PDCD10: variants seen among roughly 807,000 people sequenced by gnomAD.
PDCD10 encodes the protein programmed cell death 10.
Under a neutral mutation model 29.2 loss-of-function variants are expected in PDCD10, and 4 were observed. The observed-to-expected ratio is 0.14, with a 90% CI of 0.07 to 0.31. The LOEUF (loss-of-function observed/expected upper bound fraction) is 0.31, where lower values mean the gene tolerates loss of function less well. Ranked by LOEUF, PDCD10 falls within the 10% of genes least tolerant of loss-of-function variation. The pLI, the probability that PDCD10 is intolerant of heterozygous loss-of-function variation, is 1.00. For missense variants in PDCD10, 183 were observed against 257.9 expected (o/e 0.71, Z 1.99); for synonymous variants, 70 against 82.2 (o/e 0.85, Z 0.80).
chr3:167,690,876 C>T (rs999217354), intron 6 of PDCD10, among the ~76,000 whole-genome samples: 1 of 152,190 alleles, frequency 6.6e-6, no homozygotes, highest in Non-Finnish European at 1.5e-5. Context: ...TCCAAGGTTA[C>T]ATAGCTAAAT....
intron 6 of PDCD10, among the ~76,000 whole-genome samples, chr3:167,691,821 G>T (rs1267476426): frequency 1.3e-4 from 20 of 152,092 alleles, no homozygotes; most frequent in Admixed American, 1.3e-3. Flanking sequence ...AGATTGCCTG[G>T]GTTCAAATCC....
intron 4 of PDCD10, 90 bp downstream of exon 4, chr3:167,704,752 T>G (rs1721798537): frequency 5.4e-6 from 5 of 921,648 alleles, no homozygotes; most frequent in Admixed American, 5.2e-5. Context: ...AGGCTTTCCC[T>G]TAAAGAAAAT....
At chr3:167,723,028 T>C (rs900165583) in intron 2 of PDCD10, among the ~76,000 whole-genome samples, 2 of 152,220 alleles carry the variant, frequency 1.3e-5, no homozygotes, top group Non-Finnish European at 2.9e-5. Context: ...TTTAATACTG[T>C]TCTTATGAAA....
At chr3:167,686,758 G>C (rs573547320) in intron 8 of PDCD10, among the ~76,000 whole-genome samples, 44 of 152,274 alleles carry the variant, frequency 2.9e-4, no homozygotes, top group African/African-American at 1.1e-3. Context: ...GAGAACCACT[G>C]TTTCAGGAGT....
At chr3:167,718,782 A>C (rs1723273617) in intron 3 of PDCD10, among the ~76,000 whole-genome samples, 1 of 151,516 alleles carries the variant, frequency 6.6e-6, no homozygotes, top group South Asian at 2.1e-4. Context: ...TTGATAATGG[A>C]AGCCAAACAC....
chr3:167,729,682 TGCTA>T (rs1724591358), intron 2 of PDCD10, among the ~76,000 whole-genome samples: 1 of 152,206 alleles, frequency 6.6e-6, no homozygotes, highest in African/African-American at 2.4e-5. Context: ...ACTCAATAAA[TGCTA>T]GCTATTATAT....
chr3:167,695,531 T>C, intron 6 of PDCD10, 65 bp downstream of exon 6: 1 of 1,443,384 alleles, frequency 6.9e-7, no homozygotes, highest in Non-Finnish European at 9.7e-7. Flanking sequence ...AATTAAAAAA[T>C]GTAGATGAGT....
At chr3:167,708,907 AACTT>A (rs1248371656) in intron 3 of PDCD10, among the ~76,000 whole-genome samples, 2 of 152,222 alleles carry the variant, frequency 1.3e-5, no homozygotes, top group East Asian at 3.9e-4. Context: ...ACAATACATC[AACTT>A]ACTTATTTCA....
chr3:167,727,040 C>T (rs972166317), intron 2 of PDCD10, among the ~76,000 whole-genome samples: 2 of 152,122 alleles, frequency 1.3e-5, no homozygotes, highest in African/African-American at 2.4e-5. Context: ...AAACTTTTTG[C>T]CAAACCAATG....
At chr3:167,698,168 G>A (rs1476634962) in intron 4 of PDCD10, among the ~76,000 whole-genome samples, 4 of 152,000 alleles carry the variant, frequency 2.6e-5, no homozygotes, top group Non-Finnish European at 1.5e-5. Context: ...TAGATCTCAA[G>A]TATCAAAAAC....
At chr3:167,725,764 TATATATATATATATA>T (rs1724071298) in intron 2 of PDCD10, among the ~76,000 whole-genome samples, 1 of 2,392 alleles carries the variant, frequency 4.2e-4, no homozygotes, top group Non-Finnish European at 1.0e-3. Flanking sequence ...TTGTATCGTT[TATATATATATATATA>T]TATATATATA....
intron 3 of PDCD10, among the ~76,000 whole-genome samples, chr3:167,705,721 A>G (rs1721905721): frequency 6.6e-6 from 1 of 152,220 alleles, no homozygotes; most frequent in Non-Finnish European, 1.5e-5. Flanking sequence ...TGTAAAATCT[A>G]ATATTGCCTC....
At chr3:167,693,679 A>C (rs1720496076) in intron 6 of PDCD10, among the ~76,000 whole-genome samples, 1 of 151,934 alleles carries the variant, frequency 6.6e-6, no homozygotes, top group Non-Finnish European at 1.5e-5. Context: ...GTGGTGGCTC[A>C]CTCCTGTAAT....
At chr3:167,711,780 C>T (rs1401003284) in intron 3 of PDCD10, among the ~76,000 whole-genome samples, 1 of 152,032 alleles carries the variant, frequency 6.6e-6, no homozygotes, top group East Asian at 1.9e-4. Flanking sequence ...AGAAAAGAAA[C>T]AAATAACATA....
chr3:167,699,884 C>G (rs1172363951), intron 4 of PDCD10, among the ~76,000 whole-genome samples: 2 of 152,104 alleles, frequency 1.3e-5, no homozygotes, highest in Non-Finnish European at 2.9e-5. Context: ...TTTGAAAAAA[C>G]TTATAGACAA....
Position 167,720,113 on chromosome 3 carries a change from T to A in PDCD10, c.45A>T (p.Thr15=), listed in dbSNP as rs751478724. The change falls in exon 3 of 9, where the codon ACA becomes ACT. Residue 15 remains threonine (T), a synonymous_variant. Coordinates refer to ENST00000392750, the MANE Select transcript of PDCD10 (RefSeq NM_007217.4). ...CATAGAGGGGCATAGAAACCATGGATGTGGTCTCAGCTTCATTCTTCATCT... is the reference window on the plus strand; with the variant it reads ...CATAGAGGGGCATAGAAACCATGGAAGTGGTCTCAGCTTCATTCTTCATCT... The part of the protein sequence containing the change: ...MEEMKNEAET[T]SMVSMPLYAV... 6.2e-7 allele frequency: 1 copy of A among 1,612,672 alleles called. No homozygotes were observed. The highest frequency in any genetic ancestry group is 2.2e-5 in the East Asian group (1 of 44,826).
At chr3:167,695,818 G>A (rs1335647679) in intron 5 of PDCD10, 96 bp from the exon 6 acceptor site, 1 of 1,196,978 alleles carries the variant, frequency 8.4e-7, no homozygotes, top group African/African-American at 1.5e-5. Context: ...GCAGGTGAGG[G>A]AGGTGAAAGG....
At chr3:167,725,339 T>C (rs1260669237) in intron 2 of PDCD10, 2 of 150,258 alleles carry the variant, frequency 1.3e-5, no homozygotes, top group African/African-American at 4.9e-5. Flanking sequence ...ACTGTATAGA[T>C]GGTAGTCTGG....
At chr3:167,721,173 C>T (rs1401143691) in intron 2 of PDCD10, among the ~76,000 whole-genome samples, 1 of 152,122 alleles carries the variant, frequency 6.6e-6, no homozygotes, top group Non-Finnish European at 1.5e-5. Context: ...TTAATTTCTA[C>T]TACTTGTAAA....
Sources: allele counts gnomAD v4.1 joint callset (sites outside exome capture counted in the v4.1 genomes callset), GRCh38; gene constraint gnomAD v4.1.1; transcripts MANE v1.5; gene names NCBI Gene and HGNC (gene_info 2026-07-23, HGNC 2026-07-21).